NUSAP1: variants seen among roughly 807,000 people sequenced by gnomAD.
The protein encoded by NUSAP1 is nucleolar and spindle associated protein 1, also known as nucleolar and spindle-associated protein 1.
In NUSAP1, 32 loss-of-function variants were observed where a neutral mutation model predicts 52.8. The ratio of observed to expected loss-of-function variants is 0.61; its 90% CI spans 0.46 to 0.81. NUSAP1 has a LOEUF of 0.81. Ranked by LOEUF, NUSAP1 falls within the 40% of genes least tolerant of loss-of-function variation. The probability of loss-of-function intolerance (pLI) is 0.00; values close to 1 mark genes in which losing one functional copy is unlikely to be tolerated. For synonymous variants in NUSAP1, 195 were observed against 183.1 expected (o/e 1.06, Z -0.52); for missense variants, 499 against 522.3 (o/e 0.96, Z 0.43).
At position 41,342,383 on chromosome 15, in the gene NUSAP1, C is replaced by T; in HGVS notation, c.94-3C>T. On this transcript the variant is annotated splice_polypyrimidine_tract_variant and splice_region_variant and intron_variant, in intron 1 of 10. Coordinates refer to ENST00000559596, the MANE Select transcript of NUSAP1 (RefSeq NM_016359.5). ...GGCTCTAATAATAAGGTCTCTCTTG[C>T]AGGCAACCAAGTTGTTAAAAGCCTT... 6.3e-7 allele frequency: 1 copy of T among 1,578,302 alleles called. No homozygotes were observed. The highest frequency in any genetic ancestry group is 8.6e-7 in the Non-Finnish European group (1 of 1,157,858).
chr15:41,377,794 G>GGAA (rs2050018303), intron 10 of NUSAP1, among the ~76,000 whole-genome samples: 1 of 150,626 alleles, frequency 6.6e-6, no homozygotes, highest in African/African-American at 2.4e-5. Flanking sequence ...CACGAGGTCA[G>GGAA]ATCGAGACCA....
intron 2 of NUSAP1, among the ~76,000 whole-genome samples, 177 bp from the exon 3 acceptor site, chr15:41,348,921 C>A (rs889536831): frequency 2.6e-4 from 40 of 152,376 alleles, no homozygotes; most frequent in African/African-American, 9.4e-4. Flanking sequence ...GCGTGAGCCA[C>A]TGTGCCTGGC....
chr15:41,353,783 C>A (rs1401235098), intron 4 of NUSAP1, among the ~76,000 whole-genome samples: 1 of 152,148 alleles, frequency 6.6e-6, no homozygotes, highest in African/African-American at 2.4e-5. Context: ...ATACGGGGCC[C>A]TTTATGGTTT....
chr15:41,346,393 G>T (rs2048569736), intron 2 of NUSAP1, among the ~76,000 whole-genome samples: 1 of 151,682 alleles, frequency 6.6e-6, no homozygotes, highest in Non-Finnish European at 1.5e-5. Context: ...CTTGCTTTTG[G>T]CTTGACCTCA....
intron 4 of NUSAP1, among the ~76,000 whole-genome samples, chr15:41,354,977 G>A (rs2048911011): frequency 1.3e-5 from 2 of 149,954 alleles, no homozygotes; most frequent in South Asian, 4.2e-4. Context: ...CCGAGATCAC[G>A]CCACTGCACT....
intron 1 of NUSAP1, 118 bp downstream of exon 1, chr15:41,333,168 T>A: frequency 1.4e-6 from 1 of 728,954 alleles, no homozygotes; most frequent in Non-Finnish European, 2.4e-6. Context: ...TCCCTGCCCC[T>A]CGGGCAGTAG....
intron 10 of NUSAP1, among the ~76,000 whole-genome samples, chr15:41,379,169 G>A (rs1228205916): frequency 6.6e-6 from 1 of 151,868 alleles, no homozygotes; most frequent in South Asian, 2.1e-4. Flanking sequence ...GGCCAAGCTG[G>A]TCTCAAACTG....
At chr15:41,362,391 CTGTTT>C (rs538198798) in intron 6 of NUSAP1, among the ~76,000 whole-genome samples, 3 of 148,860 alleles carry the variant, frequency 2.0e-5, no homozygotes, top group Non-Finnish European at 3.0e-5. Context: ...TATATATTAT[CTGTTT>C]TAAGTACTTT....
intron 6 of NUSAP1, among the ~76,000 whole-genome samples, chr15:41,362,452 C>T (rs2049214231): frequency 1.4e-5 from 2 of 140,592 alleles, no homozygotes; most frequent in Non-Finnish European, 1.5e-5. Flanking sequence ...GAGTCTCGCT[C>T]TGTCACCCAG....
chr15:41,354,589 G>T (rs982422469), intron 4 of NUSAP1, among the ~76,000 whole-genome samples: 1 of 151,534 alleles, frequency 6.6e-6, no homozygotes, highest in African/African-American at 2.4e-5. Context: ...GTTTTCTTTG[G>T]CTGATTGGAT....
chr15:41,355,615 A>G (rs1264491419), intron 4 of NUSAP1, among the ~76,000 whole-genome samples: 3 of 151,564 alleles, frequency 2.0e-5, no homozygotes, highest in Non-Finnish European at 4.4e-5. Context: ...CACCATCTTG[A>G]CAGAGCCTAC....
rs1000522041 is a variant in NUSAP1, at chr15:41,380,164, G to A, written c.1304G>A (p.Gly435Asp). 4.4e-6 allele frequency: 7 copies of A among 1,580,906 alleles called. No homozygotes were observed. The highest frequency in any genetic ancestry group is 1.8e-5 in the Admixed American group (1 of 54,474). Residue 435 changes from glycine to aspartate, a missense_variant, in exon 11 of 11, where the codon GGC (glycine) becomes GAC (aspartate). Physicochemically the swap from Gly to Asp is moderately conservative, Grantham distance 94 (BLOSUM62 -1). Coordinates refer to ENST00000559596, the MANE Select transcript of NUSAP1 (RefSeq NM_016359.5). ...GCAAAGGTTTTGGGAATGCGAAGGGGCCTCATTTTGGCTGAAGATTAATAA... is the reference window on the plus strand; with the variant it reads ...GCAAAGGTTTTGGGAATGCGAAGGGACCTCATTTTGGCTGAAGATTAATAA... ...KKAKVLGMRR[G>D]LILAED
intron 10 of NUSAP1, among the ~76,000 whole-genome samples, chr15:41,378,271 A>T (rs1336954939): frequency 6.6e-6 from 1 of 152,214 alleles, no homozygotes; most frequent in African/African-American, 2.4e-5. Flanking sequence ...CACTCCTAAG[A>T]AAACCAGGCT....
At chr15:41,361,501 A>G (rs1397538301) in intron 6 of NUSAP1, among the ~76,000 whole-genome samples, 1 of 152,172 alleles carries the variant, frequency 6.6e-6, no homozygotes, top group African/African-American at 2.4e-5. Context: ...CCGAAGGATC[A>G]CTTGAGCCCC....
At chr15:41,371,464 TA>T in intron 7 of NUSAP1, 62 bp from the exon 8 acceptor site, 1 of 1,386,774 alleles carries the variant, frequency 7.2e-7, no homozygotes, top group Non-Finnish European at 9.6e-7. Flanking sequence ...GTTTTATTTA[TA>T]AGCTAGACAC....
At chr15:41,373,081 A>AC (rs1465717655) in intron 8 of NUSAP1, among the ~76,000 whole-genome samples, 1 of 151,650 alleles carries the variant, frequency 6.6e-6, no homozygotes, top group South Asian at 2.1e-4. Context: ...ACACAGTGAA[A>AC]CCCTGTCTCA....
chr15:41,350,175 C>T (rs1012871343), intron 3 of NUSAP1, among the ~76,000 whole-genome samples: 5 of 152,132 alleles, frequency 3.3e-5, no homozygotes, highest in African/African-American at 1.2e-4. Flanking sequence ...TAGGCACGCA[C>T]CGGCTCGGAG....
chr15:41,357,349 T>C (rs889947068), intron 5 of NUSAP1, among the ~76,000 whole-genome samples: 2 of 151,610 alleles, frequency 1.3e-5, no homozygotes, highest in African/African-American at 4.8e-5. Context: ...GCCTGGGCAA[T>C]AGAGCAAGAC....
intron 3 of NUSAP1, among the ~76,000 whole-genome samples, chr15:41,349,562 T>A (rs2048704122): frequency 6.6e-6 from 1 of 152,120 alleles, no homozygotes; most frequent in Non-Finnish European, 1.5e-5. Flanking sequence ...TTTTTGTTGT[T>A]TTTTCGTTTG....
Sources: gnomAD v4.1 joint callset for allele counts (sites outside exome capture counted in the v4.1 genomes callset) on GRCh38, gnomAD v4.1.1 for gene constraint, MANE v1.5 for transcripts, NCBI Gene and HGNC (gene_info 2026-07-23, HGNC 2026-07-21) for gene names.